Variants in MPPED1 observed in about 807,000 individuals in gnomAD.
The protein encoded by MPPED1 is metallophosphoesterase domain-containing protein 1.
Under a neutral mutation model 36.2 loss-of-function variants are expected in MPPED1, and 16 were observed. The observed-to-expected ratio is 0.44, with a 90% CI of 0.30 to 0.67. The LOEUF is 0.67. Among genes scored for constraint, MPPED1 ranks in the 30% least tolerant of loss-of-function variants. The pLI is 0.10. For missense variants in MPPED1, 307 were observed against 453.4 expected (o/e 0.68, Z 2.93); for synonymous variants, 199 against 191.3 (o/e 1.04, Z -0.33).
rs555001582 is a variant in MPPED1 at position 43,505,485 on chromosome 22, G to T, written c.863-13G>T. 6.3e-6 allele frequency: 10 copies of T among 1,597,102 alleles called. No individual in the cohort carries two copies. Among genetic ancestry groups the T allele is most frequent in the South Asian group, 5.7e-5 (5 of 87,764 alleles). ...CTGGCTGCTGGCCTGATGGGCATGT[G>T]CTTACTTTCCAGGGTATGGTGTCAT... On this transcript the variant is annotated splice_polypyrimidine_tract_variant and intron_variant, in intron 6 of 6. Transcript: ENST00000443721.
At chr22:43,446,713 A>G (rs1409371166) in intron 3 of MPPED1, among the ~76,000 whole-genome samples, 1 of 152,212 alleles carries the variant, frequency 6.6e-6, no homozygotes, top group Non-Finnish European at 1.5e-5. Context: ...CACATGAAGT[A>G]TGAGCACAGG....
intron 1 of MPPED1, among the ~76,000 whole-genome samples, chr22:43,422,243 G>A (rs1465113759): frequency 6.6e-6 from 1 of 152,342 alleles, no homozygotes; most frequent in Non-Finnish European, 1.5e-5. Flanking sequence ...GCAATGAGAC[G>A]TCACTTCTGT....
intron 6 of MPPED1, among the ~76,000 whole-genome samples, chr22:43,504,188 A>G (rs1316897344): frequency 7.9e-5 from 12 of 152,038 alleles, no homozygotes; most frequent in Admixed American, 6.6e-5. Context: ...AGTGGTGACA[A>G]TGGTGATAAT....
At position 43,506,206 on chromosome 22, in the gene MPPED1, C is replaced by G. The variant is rs566798855; in HGVS notation, c.*590C>G. ...AGCTGTTTGCCTGGCATTGTTCCCC[C>G]CTTTTTCTTCCCATAGGCATTTTTG... On this transcript the variant is annotated 3_prime_UTR_variant, in exon 7 of 7. Coordinates refer to ENST00000443721, the MANE Select transcript of MPPED1 (RefSeq NM_001044370.2). 162 of 152,836 alleles carry G rather than the reference C, an allele frequency of 1.1e-3. No individual in the cohort carries two copies. Among genetic ancestry groups the G allele is most frequent in the Non-Finnish European group, 2.1e-3 (140 of 68,102 alleles). The allele number at this position is 152,836 out of a possible 1,614,324, so 9.5% of individuals were successfully genotyped here.
chr22:43,479,064 G>T (rs549092906), intron 4 of MPPED1, among the ~76,000 whole-genome samples: 2 of 152,306 alleles, frequency 1.3e-5, no homozygotes, highest in South Asian at 4.1e-4. Context: ...GTCGAGTGGG[G>T]TGTGGGGGGG....
chr22:43,487,868 T>G (rs1238756095), intron 4 of MPPED1, among the ~76,000 whole-genome samples: 1 of 151,932 alleles, frequency 6.6e-6, no homozygotes, highest in Non-Finnish European at 1.5e-5. Flanking sequence ...CTACTAGACG[T>G]GACAGCGACT....
At chr22:43,418,606 G>A (rs770011483) in intron 1 of MPPED1, 31 of 168,572 alleles carry the variant, frequency 1.8e-4, no homozygotes, top group Non-Finnish European at 3.2e-4. Flanking sequence ...ATAGAGTTCT[G>A]AGGAGGTCTG....
At chr22:43,443,369 T>C (rs1930220630) in intron 3 of MPPED1, among the ~76,000 whole-genome samples, 1 of 152,132 alleles carries the variant, frequency 6.6e-6, no homozygotes, top group African/African-American at 2.4e-5. Flanking sequence ...GGAGCCTGAC[T>C]GTAGCAGGCA....
chr22:43,427,933 C>T (rs762807207), intron 2 of MPPED1, among the ~76,000 whole-genome samples: 2 of 152,012 alleles, frequency 1.3e-5, no homozygotes, highest in Admixed American at 6.5e-5. Context: ...ACTGGTTCTT[C>T]GGGGGTGAAA....
chr22:43,494,707 G>GTGGTGGTGGTGGTGT (rs1319463638), intron 4 of MPPED1, among the ~76,000 whole-genome samples: 1 of 151,532 alleles, frequency 6.6e-6, no homozygotes, highest in Non-Finnish European at 1.5e-5. Flanking sequence ...GGTGGTGGTG[G>GTGGTGGTGGTGGTGT]TGGTGGTGGT....
intron 6 of MPPED1, among the ~76,000 whole-genome samples, chr22:43,503,404 C>T (rs1420715172): frequency 2.6e-5 from 4 of 152,198 alleles, no homozygotes; most frequent in African/African-American, 9.7e-5. Context: ...TCTGTCACAT[C>T]CCTGCCAGGA....
At chr22:43,459,669 C>CT in intron 3 of MPPED1, among the ~76,000 whole-genome samples, 1 of 152,246 alleles carries the variant, frequency 6.6e-6, no homozygotes, top group South Asian at 2.1e-4. Flanking sequence ...GAATTGGATT[C>CT]TTTTTTATAG....
chr22:43,496,298 G>A (rs1030146779), intron 4 of MPPED1, among the ~76,000 whole-genome samples: 2 of 52,830 alleles, frequency 3.8e-5, no homozygotes, highest in South Asian at 6.2e-4. Flanking sequence ...GGAGGTGGTG[G>A]TGGAGGTAGT....
At chr22:43,479,064 G>C (rs549092906) in intron 4 of MPPED1, among the ~76,000 whole-genome samples, 1 of 152,188 alleles carries the variant, frequency 6.6e-6, no homozygotes, top group African/African-American at 2.4e-5. Context: ...GTCGAGTGGG[G>C]TGTGGGGGGG....
intron 3 of MPPED1, among the ~76,000 whole-genome samples, chr22:43,451,068 G>A (rs1171808991): frequency 1.3e-5 from 2 of 150,878 alleles, no homozygotes; most frequent in African/African-American, 2.4e-5. Context: ...GTACAGTGGG[G>A]CCATCTCGGT....
intron 4 of MPPED1, among the ~76,000 whole-genome samples, chr22:43,487,813 A>C (rs1931958709): frequency 6.6e-6 from 1 of 152,056 alleles, no homozygotes; most frequent in African/African-American, 2.4e-5. Flanking sequence ...CTTGTCTCTG[A>C]AACGGGCGGG....
chr22:43,476,622 A>G (rs562686613), intron 4 of MPPED1, among the ~76,000 whole-genome samples: 38 of 152,184 alleles, frequency 2.5e-4, no homozygotes, highest in African/African-American at 8.4e-4. Context: ...ATCTTGCCAT[A>G]GCCTCCTCAT....
At chr22:43,491,871 G>T (rs1932113566) in intron 4 of MPPED1, among the ~76,000 whole-genome samples, 1 of 150,054 alleles carries the variant, frequency 6.7e-6, no homozygotes, top group African/African-American at 2.5e-5. Context: ...GGTGGTGATG[G>T]TGATGGTGAT....
chr22:43,453,493 A>G (rs1930645743), intron 3 of MPPED1, among the ~76,000 whole-genome samples: 1 of 148,020 alleles, frequency 6.8e-6, no homozygotes, highest in South Asian at 2.1e-4. Context: ...AACCAGGTAT[A>G]GCCTTCCAGT....
Sources: gnomAD v4.1 joint callset for allele counts (sites outside exome capture counted in the v4.1 genomes callset) on GRCh38, gnomAD v4.1.1 for gene constraint, MANE v1.5 for transcripts, NCBI Gene and HGNC (gene_info 2026-07-23, HGNC 2026-07-21) for gene names.